The following ESR2 variants were observed in gnomAD, a reference collection of about 807,000 sequenced individuals.
ESR2 encodes estrogen receptor 2, also known as estrogen receptor beta.
Under a neutral mutation model 49.6 loss-of-function variants are expected in ESR2, and 36 were observed. The observed-to-expected ratio is 0.73, with a 90% CI of 0.56 to 0.96. The LOEUF (loss-of-function observed/expected upper bound fraction) is 0.96, where lower values mean the gene tolerates loss of function less well. ESR2 is among the 40% of genes least tolerant of loss of function. ESR2 has a pLI of 0.00. For missense variants in ESR2, 714 were observed against 693.0 expected, an observed-to-expected ratio of 1.03 and a Z score of -0.34; for synonymous variants, 320 against 266.1, an observed-to-expected ratio of 1.20 and a Z score of -1.97.
intron 7 of ESR2, among the ~76,000 whole-genome samples, chr14:64,237,935 A>G (rs1298466985): frequency 6.6e-6 from 1 of 152,198 alleles, no homozygotes. Flanking sequence ...GGTGATGAAA[A>G]TGTTCTAAAA....
Position 64,282,723 on chromosome 14 carries a change from G to C in ESR2, c.263C>G (p.Pro88Arg). ...VLWPTPGHLS[P>R]LVVHRQLSHL... ...TGATAACTGGCGATGGACCACTAAA[G>C]GAGAAAGGTGCCCAGGTGTTGGCCA... The change falls in exon 2 of 9, where the codon CCT (proline) becomes CGT (arginine). Residue 88 changes from proline to arginine, a missense_variant. Transcript: ENST00000341099. The C allele has an allele frequency of 6.2e-7, 1 of 1,614,240 alleles. No homozygotes were observed. The highest frequency in any genetic ancestry group is 8.5e-7 in the Non-Finnish European group (1 of 1,180,040).
chr14:64,239,788 C>A (rs1428773715), intron 7 of ESR2, among the ~76,000 whole-genome samples: 2 of 152,208 alleles, frequency 1.3e-5, no homozygotes, highest in Non-Finnish European at 2.9e-5. Context: ...TACAGGAATT[C>A]CAAGTACCAC....
upstream of ESR2, among the ~76,000 whole-genome samples, chr14:64,298,012 A>C (rs2076979536): frequency 6.6e-6 from 1 of 152,204 alleles, no homozygotes; most frequent in Non-Finnish European, 1.5e-5. Flanking sequence ...TGAACGTGCA[A>C]TAACACCTTT....
intron 1 of ESR2, among the ~76,000 whole-genome samples, chr14:64,329,082 A>C (rs1259905172): frequency 1.3e-5 from 2 of 152,204 alleles, no homozygotes; most frequent in Non-Finnish European, 2.9e-5. Context: ...AAATTTGAGA[A>C]ATTTGAAGGC....
intron 4 of ESR2, among the ~76,000 whole-genome samples, chr14:64,265,773 C>G (rs2076317458): frequency 1.3e-5 from 2 of 152,032 alleles, no homozygotes; most frequent in East Asian, 3.9e-4. Flanking sequence ...GTAGAAAAGA[C>G]AAGATCAGAA....
chr14:64,296,945 C>T (rs1170496973), upstream of ESR2, among the ~76,000 whole-genome samples: 1 of 152,114 alleles, frequency 6.6e-6, no homozygotes, highest in Non-Finnish European at 1.5e-5. Flanking sequence ...ATGATTATTC[C>T]AATTCTACCT....
Position 64,245,509 on chromosome 14 carries a change from C to CA in ESR2, c.1225+4036dup, listed in dbSNP as rs56160081. ...CCTGGGCGACAGGGCAAGACTCTGT[C>CA]AAAAAAAAAAAAAAAAAAAAAAAAA... On this transcript the variant is annotated intron_variant, in intron 7 of 8. Transcript: ENST00000341099. Among the ~76,000 whole-genome samples, 357 of 65,448 alleles carry CA rather than the reference C, an allele frequency of 5.5e-3. 17 individuals carry two copies. Among genetic ancestry groups the CA allele is most frequent in the East Asian group, 0.019 (32 of 1,666 alleles). The allele number at this position is 65,448 out of a possible 152,430, so 42.9% of individuals were successfully genotyped here.
chr14:64,267,139 A>G (rs912291108), intron 4 of ESR2, among the ~76,000 whole-genome samples: 6 of 152,248 alleles, frequency 3.9e-5, no homozygotes, highest in African/African-American at 1.4e-4. Context: ...TTGGCCTCCC[A>G]AAGTGCTGGG....
intron 1 of ESR2, among the ~76,000 whole-genome samples, chr14:64,306,054 C>T (rs924255956): frequency 4.6e-5 from 7 of 151,828 alleles, no homozygotes; most frequent in Non-Finnish European, 1.0e-4. Context: ...AGTAAAAATA[C>T]AAAAATTAGC....
At chr14:64,239,678 G>A (rs569712610) in intron 7 of ESR2, among the ~76,000 whole-genome samples, 4 of 152,236 alleles carry the variant, frequency 2.6e-5, no homozygotes, top group South Asian at 4.1e-4. Context: ...ACACCTTAGA[G>A]TTTATAAAAA....
At chr14:64,236,718 C>T (rs1025429094) in intron 7 of ESR2, among the ~76,000 whole-genome samples, 26 of 152,110 alleles carry the variant, frequency 1.7e-4, no homozygotes, top group Non-Finnish European at 3.2e-4. Flanking sequence ...TATACCCATT[C>T]CTCCTGTAGA....
intron 5 of ESR2, 50 bp downstream of exon 5, chr14:64,260,399 G>C: frequency 1.0e-5 from 15 of 1,484,836 alleles, no homozygotes; most frequent in Middle Eastern, 1.8e-4. Context: ...AAATATTAGC[G>C]GCCGGCCTTT....
intron 1 of ESR2, among the ~76,000 whole-genome samples, chr14:64,310,892 C>CA (rs2077180939): frequency 6.6e-6 from 1 of 152,108 alleles, no homozygotes. Flanking sequence ...ATATTGATTT[C>CA]AAAATATCAT....
chr14:64,263,648 GA>G (rs1249556284), intron 4 of ESR2, among the ~76,000 whole-genome samples: 1 of 151,430 alleles, frequency 6.6e-6, no homozygotes, highest in Non-Finnish European at 1.5e-5. Flanking sequence ...GACTTGGGTT[GA>G]AAAAATAAAT....
intron 7 of ESR2, among the ~76,000 whole-genome samples, chr14:64,247,760 G>A (rs1210622247): frequency 6.6e-6 from 1 of 152,192 alleles, no homozygotes; most frequent in African/African-American, 2.4e-5. Flanking sequence ...GAAATGACCA[G>A]TCTTGACAAC....
chr14:64,328,758 T>C (rs1486456214), intron 1 of ESR2, among the ~76,000 whole-genome samples: 1 of 152,202 alleles, frequency 6.6e-6, no homozygotes, highest in Non-Finnish European at 1.5e-5. Flanking sequence ...GAAGCTAATT[T>C]TTCCATTTTG....
At chr14:64,236,681 T>C (rs1410521212) in intron 7 of ESR2, among the ~76,000 whole-genome samples, 1 of 152,034 alleles carries the variant, frequency 6.6e-6, no homozygotes, top group African/African-American at 2.4e-5. Flanking sequence ...TCCTTCCTCT[T>C]TCTCTACCCT....
intron 1 of ESR2, among the ~76,000 whole-genome samples, chr14:64,301,746 AT>A (rs993795016): frequency 6.6e-6 from 1 of 152,054 alleles, no homozygotes; most frequent in African/African-American, 2.4e-5. Flanking sequence ...AACTTCTTTG[AT>A]TTTTCTCTGT....
chr14:64,270,216 T>C (rs983791594), intron 3 of ESR2, among the ~76,000 whole-genome samples: 4 of 152,156 alleles, frequency 2.6e-5, no homozygotes, highest in African/African-American at 7.2e-5. Flanking sequence ...ACAAAATATA[T>C]GTAGAAGACA....
Sources: gnomAD v4.1 joint callset for allele counts (sites outside exome capture counted in the v4.1 genomes callset) on GRCh38, gnomAD v4.1.1 for gene constraint, MANE v1.5 for transcripts, NCBI Gene and HGNC (gene_info 2026-07-23, HGNC 2026-07-21) for gene names.